FOXK1: variants seen among roughly 807,000 people sequenced by gnomAD.
The protein encoded by FOXK1 is forkhead box protein K1.
Under a neutral mutation model 51.9 loss-of-function variants are expected in FOXK1, and 19 were observed. The ratio of observed to expected loss-of-function variants is 0.37; its 90% confidence interval spans 0.26 to 0.54. The LOEUF is 0.54. FOXK1 is among the 20% of genes least tolerant of loss of function. The pLI, the probability that FOXK1 is intolerant of heterozygous loss-of-function variation, is 0.87. For synonymous variants in FOXK1, 537 were observed against 482.6 expected (o/e 1.11, Z -1.48); for missense variants, 870 against 1,032.7 (o/e 0.84, Z 2.16).
At chr7:4,757,603 C>T (rs967862341) in intron 5 of FOXK1, among the ~76,000 whole-genome samples, 2 of 120,176 alleles carry the variant, frequency 1.7e-5, no homozygotes, top group African/African-American at 6.5e-5. Context: ...CACTGCACTG[C>T]AGCCTGGGCG....
At chr7:4,690,329 G>T (rs1382174569) in intron 1 of FOXK1, among the ~76,000 whole-genome samples, 1 of 152,246 alleles carries the variant, frequency 6.6e-6, no homozygotes, top group African/African-American at 2.4e-5. Context: ...TATCTTGATA[G>T]CCAAGAAATG....
chr7:4,731,587 C>T lies in FOXK1; in HGVS notation c.561-9251C>T, dbSNP rs1460162396. ...CCAGCCTGGCCAACATGGTGAAACC[C>T]CATCTCTACTAAAAATACAAAAATT... On this transcript the variant is annotated intron_variant, in intron 1 of 8. Transcript: ENST00000328914. The surrounding 1 kb of genome is among the most constrained non-coding windows in gnomAD (Gnocchi z 5.3). Among the ~76,000 whole-genome samples the T allele has an allele frequency of 2.0e-5, 3 of 151,974 alleles. No individual in the cohort carries two copies. The highest frequency in any genetic ancestry group is 4.4e-5 in the Non-Finnish European group (3 of 67,980).
intron 1 of FOXK1, among the ~76,000 whole-genome samples, chr7:4,705,146 C>T (rs1000723808): frequency 2.0e-5 from 3 of 152,008 alleles, no homozygotes; most frequent in African/African-American, 7.3e-5. Context: ...GTTTATTTTT[C>T]ATCAGTCTAC....
chr7:4,719,283 C>T (rs987607546), intron 1 of FOXK1, among the ~76,000 whole-genome samples: 7 of 152,074 alleles, frequency 4.6e-5, no homozygotes, highest in Non-Finnish European at 1.0e-4. Flanking sequence ...TACAAGCGTG[C>T]ACCACTATGC....
rs952632785 is a variant in FOXK1 at position 4,745,270 on chromosome 7, C to T, written c.746+4247C>T. ...TCCTCATTGGCCGTGGAGTGGCTGG[C>T]TCGGTGTAGGCCGGGCTCGCCCAGG... is the stretch of plus-strand genomic sequence containing the variant. On this transcript the variant is annotated intron_variant, in intron 2 of 8. Transcript: ENST00000328914. This position sits in a 1 kb window ranked among gnomAD's most constrained non-coding sequence, Gnocchi z 4.3. Among the ~76,000 whole-genome samples the T allele has an allele frequency of 7.9e-5, 12 of 152,202 alleles. No homozygotes were observed. The highest frequency in any genetic ancestry group is 1.6e-4 in the Non-Finnish European group (11 of 68,040).
chr7:4,761,127 C>T lies in FOXK1; in HGVS notation c.1760C>T (p.Thr587Met), dbSNP rs774659901. 4 of 1,612,862 alleles carry T rather than the reference C, an allele frequency of 2.5e-6. No individual in the cohort carries two copies. The highest frequency in any genetic ancestry group is 1.3e-5 in the African/African-American group (1 of 75,052). Residue 587 changes from threonine (T) to methionine (M), a missense_variant, in exon 8 of 9, where the codon ACG becomes ATG. Coordinates refer to ENST00000328914, the MANE Select transcript of FOXK1 (RefSeq NM_001037165.2). This position sits in a 1 kb window ranked among gnomAD's most constrained non-coding sequence, Gnocchi z 6.2. ...CCCGCGGCTGGTGGAGTCATCCAGACGGTGGCCAGCCAGATGGCCCCCGGG... is the reference window on the plus strand; with the variant it reads ...CCCGCGGCTGGTGGAGTCATCCAGATGGTGGCCAGCCAGATGGCCCCCGGG... ...TIPAAGGVIQ[T>M]VASQMAPGVP...
intron 1 of FOXK1, among the ~76,000 whole-genome samples, chr7:4,726,815 T>G (rs1382913482): frequency 2.0e-5 from 3 of 152,236 alleles, no homozygotes; most frequent in Non-Finnish European, 4.4e-5. Flanking sequence ...TCCCTCAAAC[T>G]CTGTGTATTC....
intron 1 of FOXK1, among the ~76,000 whole-genome samples, chr7:4,704,691 G>A (rs553513569): frequency 1.4e-3 from 214 of 152,134 alleles, no homozygotes; most frequent in Non-Finnish European, 2.7e-3. Context: ...GGCTGTGCTC[G>A]GATCACGGGC....
chr7:4,684,465 A>G (rs1220918936), intron 1 of FOXK1, among the ~76,000 whole-genome samples: 1 of 152,190 alleles, frequency 6.6e-6, no homozygotes, highest in Non-Finnish European at 1.5e-5. Flanking sequence ...GTGAGAGGGG[A>G]AGTATACCTT....
At position 4,740,988 on chromosome 7, in the gene FOXK1, G is replaced by A. The variant is rs367560933; in HGVS notation, c.711G>A (p.Met237Ile). 20 of 1,555,136 alleles carry A rather than the reference G, an allele frequency of 1.3e-5. No individual in the cohort carries two copies. In the African/African-American group the frequency reaches 1.6e-4, roughly 12 times the overall value. Reference protein sequence around the residue: ...IHIPEPDLRSMVSPVPSPTGT... With the variant: ...IHIPEPDLRSIVSPVPSPTGT... ...TCCCGGAGCCGGACCTCCGGAGCAT[G>A]GTCAGCCCCGTCCCCTCCCCGACGG... is the stretch of plus-strand genomic sequence containing the variant. Residue 237 changes from methionine to isoleucine, a missense_variant, in exon 2 of 9, where the codon ATG becomes ATA. Coordinates refer to ENST00000328914, the MANE Select transcript of FOXK1 (RefSeq NM_001037165.2).
Position 4,743,457 on chromosome 7 carries a change from G to C in FOXK1, c.746+2434G>C, listed in dbSNP as rs954667648. Among the ~76,000 whole-genome samples, 1 of 152,204 alleles carries C rather than the reference G, an allele frequency of 6.6e-6. No individual in the cohort carries two copies. Among genetic ancestry groups the C allele is most frequent in the Non-Finnish European group, 1.5e-5 (1 of 68,036 alleles). On this transcript the variant is annotated intron_variant, in intron 2 of 8. Transcript: ENST00000328914. This position sits in a 1 kb window ranked among gnomAD's most constrained non-coding sequence, Gnocchi z 5.3. ...CCCAGCTACTCGGGAGGCTGAGGCA[G>C]GAGACTGGCTTGAACCCAGGAGGTG... is the stretch of plus-strand genomic sequence containing the variant.
Position 4,747,119 on chromosome 7 carries a change from A to G in FOXK1, c.746+6096A>G, listed in dbSNP as rs1242492785. On this transcript the variant is annotated intron_variant, in intron 2 of 8. Coordinates refer to ENST00000328914, the MANE Select transcript of FOXK1 (RefSeq NM_001037165.2). This position sits in a 1 kb window ranked among gnomAD's most constrained non-coding sequence, Gnocchi z 9.2. ...CTTGTGTTTGTCCGAATCTGTTGAA[A>G]GGACATCCCCACGCCCGCGTTTCCT... 6.6e-6 allele frequency among the ~76,000 whole-genome samples: 1 copy of G among 152,158 alleles called. No individual in the cohort carries two copies. Among genetic ancestry groups the G allele is most frequent in the Non-Finnish European group, 1.5e-5 (1 of 68,032 alleles).
intron 1 of FOXK1, among the ~76,000 whole-genome samples, chr7:4,695,360 T>C (rs1033451440): frequency 5.3e-5 from 8 of 152,212 alleles, no homozygotes; most frequent in African/African-American, 1.9e-4. Flanking sequence ...TAAATTGTGG[T>C]GTGGACAGAT....
At position 4,724,457 on chromosome 7, in the gene FOXK1, A is replaced by G. The variant is rs531243314; in HGVS notation, c.561-16381A>G. ...GTGATCTGCGTGCCTTGGCCTCCCA[A>G]AGTGCTGGGATTACAGGCGTGAGCC... On this transcript the variant is annotated intron_variant, in intron 1 of 8. Transcript: ENST00000328914. 3.3e-5 allele frequency among the ~76,000 whole-genome samples: 5 copies of G among 152,280 alleles called. No homozygotes were observed. In the South Asian group the frequency reaches 1.0e-3, roughly 32 times the overall value.
intron 1 of FOXK1, among the ~76,000 whole-genome samples, chr7:4,685,496 A>G (rs1238197116): frequency 6.6e-6 from 1 of 150,660 alleles, no homozygotes; most frequent in Non-Finnish European, 1.5e-5. Flanking sequence ...TTACAGGCAT[A>G]CAGGCGTGAG....
At position 4,756,982 on chromosome 7, in the gene FOXK1, G is replaced by C. The variant is rs144774565; in HGVS notation, c.1051-12G>C. 3.6e-4 allele frequency: 579 copies of C among 1,611,554 alleles called. 5 individuals carry two copies. In the African/African-American group the frequency reaches 6.2e-3, roughly 17 times the overall value. On this transcript the variant is annotated splice_polypyrimidine_tract_variant and intron_variant, in intron 4 of 8. Transcript: ENST00000328914. The surrounding 1 kb of genome is among the most constrained non-coding windows in gnomAD (Gnocchi z 4.1). ...TTGCTGGTGATGGGTGAATATCTCT[G>C]CTTCCCTGCAGAATTCTATCCGGCA... is the stretch of plus-strand genomic sequence containing the variant.
At chr7:4,759,752 C>A in intron 7 of FOXK1, 157 bp downstream of exon 7, 1 of 931,540 alleles carries the variant, frequency 1.1e-6, no homozygotes, top group Non-Finnish European at 1.6e-6. Flanking sequence ...TCAGCATGAG[C>A]TGGGCAGGTG....
In FOXK1 at chr7:4,709,110, A is replaced by G. The variant is rs1045843657; in HGVS notation, c.560+26242A>G. 1.3e-5 allele frequency among the ~76,000 whole-genome samples: 2 copies of G among 151,946 alleles called. No individual in the cohort carries two copies. Among genetic ancestry groups the G allele is most frequent in the South Asian group, 4.2e-4 (2 of 4,812 alleles). On this transcript the variant is annotated intron_variant, in intron 1 of 8. Transcript: ENST00000328914. The surrounding 1 kb of genome is among the most constrained non-coding windows in gnomAD (Gnocchi z 5.6). ...GAAAAGAAAAAGAAAAACAAGGAAA[A>G]AAGAAAAGAGGCTGGTGGGAAAATG...
At position 4,703,604 on chromosome 7, in the gene FOXK1, A is replaced by G. The variant is rs926795142; in HGVS notation, c.560+20736A>G. Among the ~76,000 whole-genome samples the G allele has an allele frequency of 2.6e-5, 4 of 152,256 alleles. No homozygotes were observed. The highest frequency in any genetic ancestry group is 9.6e-5 in the African/African-American group (4 of 41,480). Reference sequence around the variant, plus strand: ...TAGGGTTGGGGACAGAACATCATTAAGAATTGTTTTTATATCTGGCAAAAC... The same window carrying G: ...TAGGGTTGGGGACAGAACATCATTAGGAATTGTTTTTATATCTGGCAAAAC... On this transcript the variant is annotated intron_variant, in intron 1 of 8. Transcript: ENST00000328914. This position sits in a 1 kb window ranked among gnomAD's most constrained non-coding sequence, Gnocchi z 5.6.
Sources: allele counts gnomAD v4.1 joint callset (sites outside exome capture counted in the v4.1 genomes callset), GRCh38; gene constraint gnomAD v4.1.1; non-coding constraint Gnocchi (gnomAD v3.1); transcripts MANE v1.5; gene names NCBI Gene and HGNC (gene_info 2026-07-23, HGNC 2026-07-21).